Variants in YPEL2 observed in about 807,000 individuals in gnomAD.
The protein encoded by YPEL2 is yippee like 2.
YPEL2 carries 2 observed loss-of-function variants against 19.1 expected under a neutral mutation model. That is an observed-to-expected ratio of 0.10 (90% CI 0.04 to 0.33). The LOEUF is 0.33. Ranked by LOEUF, YPEL2 falls within the 10% of genes least tolerant of loss-of-function variation. The probability of loss-of-function intolerance (pLI) is 1.00; values close to 1 mark genes in which losing one functional copy is unlikely to be tolerated. For missense variants in YPEL2, 66 were observed against 140.7 expected, an observed-to-expected ratio of 0.47 and a Z score of 2.68; for synonymous variants, 52 against 50.0, an observed-to-expected ratio of 1.04 and a Z score of -0.17.
intron 3 of YPEL2, 102 bp downstream of exon 3, chr17:59,388,472 C>A: frequency 8.3e-7 from 1 of 1,210,190 alleles, no homozygotes; most frequent in Non-Finnish European, 1.2e-6. Flanking sequence ...GCCCTGTCTG[C>A]CACAGTAAAA....
At position 59,353,035 on chromosome 17, in the gene YPEL2, A is replaced by T. The variant is rs2047795115; in HGVS notation, c.-195-180A>T. Reference sequence around the variant, plus strand: ...CACTCCAGAAAAGCAGCGAGACTGGAGTCTCCAGTGGTTTCTTTCTCATTC... The same window carrying T: ...CACTCCAGAAAAGCAGCGAGACTGGTGTCTCCAGTGGTTTCTTTCTCATTC... On this transcript the variant is annotated intron_variant, in intron 1 of 4. Coordinates refer to ENST00000312655, the MANE Select transcript of YPEL2 (RefSeq NM_001005404.4). This position sits in a 1 kb window ranked among gnomAD's most constrained non-coding sequence, Gnocchi z 4.8. Among the ~76,000 whole-genome samples, 1 of 152,178 alleles carries T rather than the reference A, an allele frequency of 6.6e-6. No individual in the cohort carries two copies. Among genetic ancestry groups the T allele is most frequent in the Non-Finnish European group, 1.5e-5 (1 of 68,042 alleles).
chr17:59,395,078 GGGGAGA>G lies in YPEL2; in HGVS notation c.271-2006_271-2001del, dbSNP rs545654327. On this transcript the variant is annotated intron_variant, in intron 4 of 4. Coordinates refer to ENST00000312655, the MANE Select transcript of YPEL2 (RefSeq NM_001005404.4). ...CGGCTCGGCATCAGAGGGAGACCGT[GGGGAGA>G]GGGAGAGGGAGAGGGACAGGAAACT... Among the ~76,000 whole-genome samples, 717 of 152,276 alleles carry G rather than the reference GGGGAGA, an allele frequency of 4.7e-3. 5 individuals carry two copies. The highest frequency in any genetic ancestry group is 7.9e-3 in the Admixed American group (121 of 15,276).
chr17:59,340,777 G>A (rs997768024), intron 1 of YPEL2, among the ~76,000 whole-genome samples: 2 of 149,146 alleles, frequency 1.3e-5, no homozygotes, highest in African/African-American at 5.0e-5. Context: ...GTGCAGTGAC[G>A]CCATCTCGGT....
chr17:59,388,453 A>G (rs2047992018), intron 3 of YPEL2, 83 bp downstream of exon 3: 10 of 1,371,122 alleles, frequency 7.3e-6, no homozygotes, highest in Middle Eastern at 1.8e-4. Context: ...TAATTAAACA[A>G]TGAACCCTGC....
At chr17:59,341,651 A>C (rs1172198665) in intron 1 of YPEL2, among the ~76,000 whole-genome samples, 1 of 152,138 alleles carries the variant, frequency 6.6e-6, no homozygotes, top group Non-Finnish European at 1.5e-5. Flanking sequence ...AGTGCGAAAC[A>C]ACGTCTCAGG....
At chr17:59,362,871 G>A (rs569798601) in intron 2 of YPEL2, 1 of 152,188 alleles carries the variant, frequency 6.6e-6, no homozygotes, top group South Asian at 2.1e-4. Context: ...TTTGCGTTTG[G>A]GGGCTGACTA....
intron 4 of YPEL2, among the ~76,000 whole-genome samples, chr17:59,393,909 A>T (rs530718849): frequency 6.6e-6 from 1 of 152,292 alleles, no homozygotes; most frequent in East Asian, 1.9e-4. Context: ...TCCCATGTCT[A>T]CTTCTTTCTA....
intron 4 of YPEL2, among the ~76,000 whole-genome samples, chr17:59,393,435 GA>G (rs2048018300): frequency 6.7e-6 from 1 of 148,630 alleles, no homozygotes; most frequent in African/African-American, 2.5e-5. Context: ...ACGCCTGGCC[GA>G]ATTTTTTTTT....
intron 2 of YPEL2, among the ~76,000 whole-genome samples, chr17:59,378,710 C>G (rs2047934483): frequency 6.6e-6 from 1 of 152,184 alleles, no homozygotes. Flanking sequence ...TAGTTCCAAG[C>G]ATCGTGAATG....
intron 2 of YPEL2, among the ~76,000 whole-genome samples, chr17:59,379,860 T>G (rs192341431): frequency 3.3e-5 from 5 of 151,954 alleles, no homozygotes; most frequent in African/African-American, 9.7e-5. Context: ...TTGGGGTTTT[T>G]GTTTTGTTTT....
chr17:59,366,868 GA>G (rs989838743), intron 2 of YPEL2, among the ~76,000 whole-genome samples: 17 of 152,078 alleles, frequency 1.1e-4, no homozygotes, highest in Admixed American at 2.0e-4. Flanking sequence ...CGCAGCGGGA[GA>G]AAAAAAGAAA....
At chr17:59,374,311 C>T (rs2047910057) in intron 2 of YPEL2, among the ~76,000 whole-genome samples, 1 of 152,134 alleles carries the variant, frequency 6.6e-6, no homozygotes, top group Admixed American at 6.5e-5. Flanking sequence ...AATTATATGC[C>T]CATGTCTCTT....
At position 59,400,291 on chromosome 17, in the gene YPEL2, G is replaced by T. The variant is rs1030044114; in HGVS notation, c.*3101G>T. On this transcript the variant is annotated 3_prime_UTR_variant, in exon 5 of 5. Transcript: ENST00000312655. ...CCCTTTATAAAGAGATTTTCAAGTG[G>T]ATATATATAAAAGAAACAGTTGCTT... 2.0e-5 allele frequency: 3 copies of T among 152,410 alleles called. No homozygotes were observed. The highest frequency in any genetic ancestry group is 4.4e-5 in the Non-Finnish European group (3 of 67,990). 9.4% of individuals were successfully genotyped at this position (152,410 alleles called of 1,614,324 possible).
intron 2 of YPEL2, among the ~76,000 whole-genome samples, chr17:59,386,087 C>A (rs1298582692): frequency 6.6e-6 from 1 of 152,092 alleles, no homozygotes; most frequent in Non-Finnish European, 1.5e-5. Flanking sequence ...CTTTGGAAAG[C>A]TGAGGCAGGC....
chr17:59,397,213 A>C lies in YPEL2; in HGVS notation c.*23A>C, dbSNP rs776184425. 1 of 1,555,248 alleles carries C rather than the reference A, an allele frequency of 6.4e-7. No individual in the cohort carries two copies. The highest frequency in any genetic ancestry group is 1.2e-5 in the South Asian group (1 of 84,750). On this transcript the variant is annotated 3_prime_UTR_variant, in exon 5 of 5. Coordinates refer to ENST00000312655, the MANE Select transcript of YPEL2 (RefSeq NM_001005404.4). ...TGATTGGACAGCATCTACCCAACCCAGTGTCCACGTGAACGCCATTCAACC... is the reference window on the plus strand; with the variant it reads ...TGATTGGACAGCATCTACCCAACCCCGTGTCCACGTGAACGCCATTCAACC...
intron 2 of YPEL2, chr17:59,354,031 G>T: frequency 4.4e-6 from 1 of 225,732 alleles, no homozygotes. Flanking sequence ...TCTGGCCTGT[G>T]GGGGCCGTTA....
intron 1 of YPEL2, among the ~76,000 whole-genome samples, chr17:59,345,726 A>T (rs796366031): frequency 9.9e-5 from 15 of 152,238 alleles, no homozygotes; most frequent in African/African-American, 3.6e-4. Flanking sequence ...TGGTCTTGTG[A>T]ATAGGAACAA....
intron 2 of YPEL2, among the ~76,000 whole-genome samples, chr17:59,370,132 C>T (rs908567561): frequency 6.6e-6 from 1 of 152,374 alleles, no homozygotes; most frequent in Middle Eastern, 3.4e-3. Context: ...TCTGGGCTCA[C>T]TGCAAGCTCT....
intron 2 of YPEL2, among the ~76,000 whole-genome samples, chr17:59,368,069 A>G (rs1375212159): frequency 6.6e-6 from 1 of 152,178 alleles, no homozygotes; most frequent in Non-Finnish European, 1.5e-5. Flanking sequence ...ATGGATACAA[A>G]TACAGAAATG....
Sources: allele counts gnomAD v4.1 joint callset (sites outside exome capture counted in the v4.1 genomes callset), GRCh38; gene constraint gnomAD v4.1.1; non-coding constraint Gnocchi (gnomAD v3.1); transcripts MANE v1.5; gene names NCBI Gene and HGNC (gene_info 2026-07-23, HGNC 2026-07-21).